Variants in CEP128 observed in about 807,000 individuals in gnomAD.
CEP128 encodes centrosomal protein 128, also known as centrosomal protein 128kDa.
A neutral mutation model predicts 156.7 loss-of-function variants in CEP128; 132 were observed. That is an observed-to-expected ratio of 0.84 (90% CI 0.73 to 0.97). CEP128 has a LOEUF of 0.97. Ranked by LOEUF, CEP128 falls within the 50% of genes least tolerant of loss-of-function variation. The pLI, the probability that CEP128 is intolerant of heterozygous loss-of-function variation, is 0.00. For missense variants in CEP128, 1,252 were observed against 1,281.9 expected, an observed-to-expected ratio of 0.98 and a Z score of 0.36; for synonymous variants, 469 against 448.9, an observed-to-expected ratio of 1.04 and a Z score of -0.57.
chr14:80,500,386 G>GGACCT (rs1887680105), intron 24 of CEP128, among the ~76,000 whole-genome samples: 1 of 152,122 alleles, frequency 6.6e-6, no homozygotes, highest in Admixed American at 6.6e-5. Context: ...GTCTGCCTAA[G>GGACCT]GACCTATGAC....
chr14:80,872,031 G>A (rs1422588074), intron 8 of CEP128, among the ~76,000 whole-genome samples: 1 of 152,098 alleles, frequency 6.6e-6, no homozygotes, highest in African/African-American at 2.4e-5. Flanking sequence ...TCTAAATGCA[G>A]TATTGACAGA....
chr14:80,955,481 T>A, intron 2 of CEP128: 1 of 651,204 alleles, frequency 1.5e-6, no homozygotes, highest in Admixed American at 2.5e-5. Context: ...CAAGGTTGCC[T>A]AGGGAAGCGG....
chr14:80,955,355 G>A lies in CEP128; in HGVS notation c.-172+2823C>T, dbSNP rs1886602010. 1.2e-5 allele frequency: 6 copies of A among 480,236 alleles called. No individual in the cohort carries two copies. The South Asian group carries it at 1.3e-4, about 10-fold the overall frequency. 29.7% of individuals were successfully genotyped at this position (480,236 alleles called of 1,614,324 possible). A position where few individuals can be genotyped will look rare whatever the true frequency, so the allele number is the denominator to read the frequency against. On this transcript the variant is annotated intron_variant, in intron 2 of 7. Transcript: ENST00000555529. ...TAATGGGAGGGGCGCCCGGGGTGGG[G>A]GGGCGGGCTGGAAAACAGAGGGGAC...
chr14:80,820,347 C>A (rs1319541220), intron 13 of CEP128, among the ~76,000 whole-genome samples: 1 of 152,110 alleles, frequency 6.6e-6, no homozygotes, highest in Admixed American at 6.5e-5. Context: ...TCATACAAAC[C>A]TCTGAATGAT....
At chr14:80,681,476 G>A (rs955991344) in intron 19 of CEP128, among the ~76,000 whole-genome samples, 6 of 152,208 alleles carry the variant, frequency 3.9e-5, no homozygotes, top group Admixed American at 3.3e-4. Flanking sequence ...TGGTTTGGCT[G>A]TGTCCCACCC....
intron 13 of CEP128, chr14:80,822,668 G>A (rs570418563): frequency 3.2e-4 from 246 of 767,978 alleles, no homozygotes; most frequent in Non-Finnish European, 4.6e-4. Context: ...TGCAAAGAAG[G>A]GAGAGAAAGT....
chr14:80,641,691 A>AT (rs1186023149), intron 19 of CEP128, among the ~76,000 whole-genome samples: 5 of 152,130 alleles, frequency 3.3e-5, no homozygotes, highest in Non-Finnish European at 5.9e-5. Context: ...TCAAAAAAGG[A>AT]TTTTTTTCTC....
intron 21 of CEP128, among the ~76,000 whole-genome samples, chr14:80,533,479 A>G (rs1889326301): frequency 6.6e-6 from 1 of 152,184 alleles, no homozygotes; most frequent in Non-Finnish European, 1.5e-5. Flanking sequence ...GTTTTGCTTA[A>G]AATTTTCAAT....
rs368731853 is a variant in CEP128, at chr14:80,836,163, C to A, written c.1057+42G>T. 90 of 1,598,286 alleles carry A rather than the reference C, an allele frequency of 5.6e-5. 1 individual carries two copies. Among genetic ancestry groups the A allele is most frequent in the Admixed American group, 1.7e-4 (10 of 58,078 alleles). On this transcript the variant is annotated intron_variant, in intron 12 of 24. Transcript: ENST00000555265. ...TTTTCTAAGAAAAACCAAAAAGCCCCCACACACATTATCACATTATTAGGT... is the reference window on the plus strand; with the variant it reads ...TTTTCTAAGAAAAACCAAAAAGCCCACACACACATTATCACATTATTAGGT...
At chr14:80,626,682 T>C (rs1243424039) in intron 19 of CEP128, among the ~76,000 whole-genome samples, 1 of 152,126 alleles carries the variant, frequency 6.6e-6, no homozygotes, top group African/African-American at 2.4e-5. Context: ...TGCCAACACC[T>C]TAACTTTAGG....
chr14:80,656,279 T>TTATTTATA lies in CEP128; in HGVS notation c.2807-75857_2807-75856insTATAAATA, dbSNP rs1491479426. Among the ~76,000 whole-genome samples the TTATTTATA allele has an allele frequency of 7.2e-4, 34 of 47,112 alleles. 1 individual carries two copies. The highest frequency in any genetic ancestry group is 2.5e-3 in the African/African-American group (31 of 12,448). 30.9% of individuals were successfully genotyped at this position (47,112 alleles called of 152,430 possible). ...TTTCTCAATAAACCTAAGTTTTTAT[T>TTATTTATA]TATATATATATTTATATATATATAT... is the stretch of plus-strand genomic sequence containing the variant. On this transcript the variant is annotated intron_variant, in intron 19 of 24. Transcript: ENST00000555265.
chr14:80,613,433 AT>A (rs1390642915), intron 19 of CEP128, among the ~76,000 whole-genome samples: 4 of 147,738 alleles, frequency 2.7e-5, no homozygotes, highest in Non-Finnish European at 6.0e-5. Context: ...CTCTCGAGTA[AT>A]TGGGACTACA....
At chr14:80,639,549 T>C (rs1277257371) in intron 19 of CEP128, among the ~76,000 whole-genome samples, 5 of 152,174 alleles carry the variant, frequency 3.3e-5, no homozygotes, top group African/African-American at 4.8e-5. Flanking sequence ...TTCTTAAATA[T>C]GTTTATTGTT....
At chr14:80,678,490 T>C (rs890777009) in intron 19 of CEP128, among the ~76,000 whole-genome samples, 1 of 152,076 alleles carries the variant, frequency 6.6e-6, no homozygotes, top group African/African-American at 2.4e-5. Context: ...AACAGCAACG[T>C]AGTGCATAAA....
intron 20 of CEP128, among the ~76,000 whole-genome samples, chr14:80,575,417 A>G (rs1891314341): frequency 6.6e-6 from 1 of 152,198 alleles, no homozygotes; most frequent in Admixed American, 6.5e-5. Context: ...ATTTTTCATT[A>G]TATTTAGCAG....
chr14:80,622,666 C>T (rs534609986), intron 19 of CEP128, among the ~76,000 whole-genome samples: 167 of 150,164 alleles, frequency 1.1e-3, no homozygotes, highest in African/African-American at 3.3e-3. Context: ...ACAGACACTT[C>T]TCAAAAGAAG....
intron 14 of CEP128, among the ~76,000 whole-genome samples, 174 bp from the exon 15 acceptor site, chr14:80,785,719 G>A (rs976441258): frequency 4.6e-5 from 7 of 151,950 alleles, no homozygotes; most frequent in African/African-American, 1.7e-4. Flanking sequence ...CCAGAAAGGT[G>A]GGGGGGAATA....
intron 8 of CEP128, among the ~76,000 whole-genome samples, chr14:80,894,395 T>C (rs1373989748): frequency 6.6e-6 from 1 of 151,990 alleles, no homozygotes; most frequent in Non-Finnish European, 1.5e-5. Flanking sequence ...GATTTCGTAC[T>C]GTGTGAACTA....
intron 19 of CEP128, among the ~76,000 whole-genome samples, chr14:80,706,692 T>C (rs751588138): frequency 6.6e-6 from 1 of 152,124 alleles, no homozygotes; most frequent in Non-Finnish European, 1.5e-5. Flanking sequence ...TTTACCAAAG[T>C]TGGAGCTTTC....
Sources: allele counts gnomAD v4.1 joint callset (sites outside exome capture counted in the v4.1 genomes callset), GRCh38; gene constraint gnomAD v4.1.1; transcripts MANE v1.5; gene names NCBI Gene and HGNC (gene_info 2026-07-23, HGNC 2026-07-21).